CADM2: variants seen among roughly 807,000 people sequenced by gnomAD.
The protein encoded by CADM2 is immunoglobulin superfamily member 4D.
A neutral mutation model predicts 49.8 loss-of-function variants in CADM2; 12 were observed. The ratio of observed to expected loss-of-function variants is 0.24; its 90% confidence interval spans 0.15 to 0.39. The LOEUF (loss-of-function observed/expected upper bound fraction) is 0.39. Ranked by LOEUF, CADM2 falls within the 10% of genes least tolerant of loss-of-function variation. CADM2 has a pLI of 1.00. For missense variants in CADM2, 378 were observed against 492.3 expected (o/e 0.77, Z 2.20); for synonymous variants, 214 against 175.4 (o/e 1.22, Z -1.74).
chr3:85,967,305 C>T (rs1376232969), intron 8 of CADM2, among the ~76,000 whole-genome samples: 2 of 151,624 alleles, frequency 1.3e-5, no homozygotes, highest in African/African-American at 2.4e-5. Flanking sequence ...TGGATGGTAT[C>T]TTTTCTTTCA....
At chr3:85,002,391 T>A (rs935687009) in intron 1 of CADM2, among the ~76,000 whole-genome samples, 1 of 152,086 alleles carries the variant, frequency 6.6e-6, no homozygotes, top group African/African-American at 2.4e-5. Context: ...ATTTTCTACA[T>A]CCTTAGTTTT....
intron 3 of CADM2, among the ~76,000 whole-genome samples, chr3:85,851,494 A>T (rs913342654): frequency 6.6e-6 from 1 of 151,932 alleles, no homozygotes; most frequent in Non-Finnish European, 1.5e-5. Flanking sequence ...ATTTTGTATC[A>T]CTTTTTAAAA....
chr3:85,034,671 C>G (rs1032297599), intron 1 of CADM2, among the ~76,000 whole-genome samples: 2 of 151,650 alleles, frequency 1.3e-5, no homozygotes, highest in Non-Finnish European at 2.9e-5. Flanking sequence ...AACCTCCATA[C>G]TGTTCTCCAT....
intron 1 of CADM2, among the ~76,000 whole-genome samples, chr3:85,026,619 A>C (rs914121206): frequency 6.6e-6 from 1 of 152,170 alleles, no homozygotes; most frequent in Admixed American, 6.5e-5. Flanking sequence ...TTTAAGAGAA[A>C]TTGAGAACAA....
intron 2 of CADM2, among the ~76,000 whole-genome samples, chr3:85,768,029 T>A (rs773428336): frequency 7.2e-5 from 11 of 152,198 alleles, no homozygotes; most frequent in Admixed American, 1.3e-4. Flanking sequence ...ATAATGTATC[T>A]TTTTAAGTTC....
intron 1 of CADM2, among the ~76,000 whole-genome samples, chr3:85,661,719 A>G (rs1377727818): frequency 6.6e-6 from 1 of 152,068 alleles, no homozygotes; most frequent in Non-Finnish European, 1.5e-5. Flanking sequence ...TCAAATAACC[A>G]GATGAAGAGA....
chr3:85,305,487 G>A lies in CADM2; in HGVS notation c.61+345819G>A, dbSNP rs148584200. ...GCCAAATTTCAAAGTTAGTAAATAGGGCTTGAGAAAGTAAGTAATCCTGAA... is the reference window on the plus strand; with the variant it reads ...GCCAAATTTCAAAGTTAGTAAATAGAGCTTGAGAAAGTAAGTAATCCTGAA... On this transcript the variant is annotated intron_variant, in intron 1 of 9. Coordinates refer to ENST00000383699, the MANE Select transcript of CADM2 (RefSeq NM_001167675.2). 1.6e-3 allele frequency among the ~76,000 whole-genome samples: 247 copies of A among 151,556 alleles called. 1 individual carries two copies. In the East Asian group the frequency reaches 0.031, roughly 19 times the overall value.
intron 8 of CADM2, among the ~76,000 whole-genome samples, chr3:85,971,078 T>C (rs752812059): frequency 2.6e-5 from 4 of 151,724 alleles, no homozygotes; most frequent in Admixed American, 6.6e-5. Context: ...TTCACTGACG[T>C]TAATATTTTT....
intron 2 of CADM2, among the ~76,000 whole-genome samples, chr3:85,791,034 A>G (rs1234969464): frequency 6.6e-6 from 1 of 152,194 alleles, no homozygotes; most frequent in Non-Finnish European, 1.5e-5. Context: ...GACAGCAGAC[A>G]ACTTAAAGTC....
Position 85,913,078 on chromosome 3 carries a change from G to A in CADM2, c.700+535G>A, listed in dbSNP as rs138550588. Among the ~76,000 whole-genome samples the A allele has an allele frequency of 5.9e-5, 9 of 152,040 alleles. No homozygotes were observed. In the East Asian group the frequency reaches 1.5e-3, roughly 26 times the overall value. ...TTAATTTTGTGAATCTAATAGATCG[G>A]GGCAGTGCTAAATGTTTTGCTGGAA... On this transcript the variant is annotated intron_variant, in intron 6 of 9. Coordinates refer to ENST00000383699, the MANE Select transcript of CADM2 (RefSeq NM_001167675.2).
At chr3:85,062,037 GTC>G (rs994463032) in intron 1 of CADM2, among the ~76,000 whole-genome samples, 1 of 150,658 alleles carries the variant, frequency 6.6e-6, no homozygotes, top group African/African-American at 2.4e-5. Context: ...CTGTCTCTCT[GTC>G]TCTCTCTCTG....
rs1164904652 is a variant in CADM2, at chr3:85,992,563, A to G, written c.970+30916A>G. 3 of 152,280 alleles carry G rather than the reference A, an allele frequency of 2.0e-5. No individual in the cohort carries two copies. In the East Asian group the frequency reaches 5.8e-4, roughly 29 times the overall value. The allele number at this position is 152,280 out of a possible 1,614,324, so 9.4% of individuals were successfully genotyped here. ...ATGGGTTCAGTTCCAGATCACCGCA[A>G]TAAAGCACATATTACAATATCATGA... is the stretch of plus-strand genomic sequence containing the variant. On this transcript the variant is annotated intron_variant, in intron 8 of 9. Transcript: ENST00000383699.
rs114685478 is a variant in CADM2, at chr3:85,925,575, T to A, written c.701-10192T>A. ...TCAGATAGTGCTGGAACTGAAAGAGTCCTGTTAACCCTTGGTATTTTAACC... is the reference window on the plus strand; with the variant it reads ...TCAGATAGTGCTGGAACTGAAAGAGACCTGTTAACCCTTGGTATTTTAACC... On this transcript the variant is annotated intron_variant, in intron 6 of 9. Coordinates refer to ENST00000383699, the MANE Select transcript of CADM2 (RefSeq NM_001167675.2). Among the ~76,000 whole-genome samples, 828 of 151,868 alleles carry A rather than the reference T, an allele frequency of 5.5e-3. 6 individuals are homozygous for A. The highest frequency in any genetic ancestry group is 6.8e-3 in the Middle Eastern group (2 of 294).
At chr3:85,849,067 T>C (rs935869237) in intron 3 of CADM2, among the ~76,000 whole-genome samples, 1 of 152,154 alleles carries the variant, frequency 6.6e-6, no homozygotes, top group African/African-American at 2.4e-5. Context: ...TGGGATGATA[T>C]TTCTCTGGGC....
chr3:85,466,286 A>C (rs1402844656), intron 1 of CADM2, among the ~76,000 whole-genome samples: 1 of 152,108 alleles, frequency 6.6e-6, no homozygotes, highest in Admixed American at 6.6e-5. Flanking sequence ...TATCTTCCCC[A>C]ATTTTATACG....
At chr3:85,000,149 C>CT (rs2033390446) in intron 1 of CADM2, among the ~76,000 whole-genome samples, 3 of 109,564 alleles carry the variant, frequency 2.7e-5, no homozygotes, top group African/African-American at 1.2e-4. Flanking sequence ...TCTCTCTCTC[C>CT]CTGCCCCAGG....
At chr3:85,148,286 G>T (rs1354551842) in intron 1 of CADM2, among the ~76,000 whole-genome samples, 1 of 152,202 alleles carries the variant, frequency 6.6e-6, no homozygotes, top group Non-Finnish European at 1.5e-5. Flanking sequence ...AACAGCTGCA[G>T]CAGTAACAGG....
intron 2 of CADM2, among the ~76,000 whole-genome samples, chr3:85,747,169 A>G (rs966731109): frequency 5.9e-5 from 9 of 152,062 alleles, no homozygotes; most frequent in Non-Finnish European, 1.0e-4. Flanking sequence ...TTACCAATTC[A>G]CCAACACCAA....
chr3:85,747,372 G>A (rs73845632), intron 2 of CADM2, among the ~76,000 whole-genome samples: 3,927 of 152,100 alleles, frequency 0.026, 190 homozygotes, highest in African/African-American at 0.09. Context: ...TTCATATTAT[G>A]TGACAAACAA....
Sources: allele counts gnomAD v4.1 joint callset (sites outside exome capture counted in the v4.1 genomes callset), GRCh38; gene constraint gnomAD v4.1.1; transcripts MANE v1.5; gene names NCBI Gene and HGNC (gene_info 2026-07-23, HGNC 2026-07-21).